The following RILPL2 variants were observed in gnomAD, a reference collection of about 807,000 sequenced individuals.
RILPL2 encodes the protein RILP-like protein 2.
Under a neutral mutation model 22.2 loss-of-function variants are expected in RILPL2, and 19 were observed. That is an observed-to-expected ratio of 0.86 (90% confidence interval 0.60 to 1.25). The LOEUF is 1.25. RILPL2 is among the 50% of genes most tolerant of loss of function. The pLI, the probability that RILPL2 is intolerant of heterozygous loss-of-function variation, is 0.00. For missense variants in RILPL2, 243 were observed against 263.6 expected (o/e 0.92, Z 0.54); for synonymous variants, 123 against 111.6 (o/e 1.10, Z -0.64).
At chr12:123,435,116 G>A (rs963588072) in intron 1 of RILPL2, among the ~76,000 whole-genome samples, 1 of 151,838 alleles carries the variant, frequency 6.6e-6, no homozygotes. Context: ...GGAGGTGGAG[G>A]TTGCAGTGAG....
chr12:123,418,704 T>C (rs1192155700), intron 3 of RILPL2, among the ~76,000 whole-genome samples: 1 of 152,074 alleles, frequency 6.6e-6, no homozygotes, highest in Non-Finnish European at 1.5e-5. Flanking sequence ...AAAATCCAGA[T>C]TTCTGAGCTT....
At chr12:123,410,349 G>T (rs1878935850), downstream of RILPL2, among the ~76,000 whole-genome samples, 1 of 152,188 alleles carries the variant, frequency 6.6e-6, no homozygotes, top group African/African-American at 2.4e-5. Flanking sequence ...GGGCACTGGT[G>T]GTAGATTGGA....
At chr12:123,429,322 G>GT (rs1879537963) in intron 2 of RILPL2, among the ~76,000 whole-genome samples, 1 of 152,120 alleles carries the variant, frequency 6.6e-6, no homozygotes, top group African/African-American at 2.4e-5. Context: ...TTGAGAAAGA[G>GT]TTTTGCTCTT....
At chr12:123,421,017 C>G (rs1252484920) in intron 3 of RILPL2, among the ~76,000 whole-genome samples, 1 of 151,912 alleles carries the variant, frequency 6.6e-6, no homozygotes, top group African/African-American at 2.4e-5. Flanking sequence ...ATAGCAAATG[C>G]TCACTAAGTG....
At chr12:123,428,579 G>T (rs1397012605) in intron 2 of RILPL2, among the ~76,000 whole-genome samples, 1 of 152,216 alleles carries the variant, frequency 6.6e-6, no homozygotes, top group East Asian at 1.9e-4. Context: ...GGCATTTAAA[G>T]AATCATATCA....
intron 3 of RILPL2, among the ~76,000 whole-genome samples, chr12:123,422,826 G>A (rs1312955091): frequency 6.6e-6 from 1 of 152,158 alleles, no homozygotes; most frequent in Non-Finnish European, 1.5e-5. Flanking sequence ...GGGTCACTGT[G>A]ATGATTCGAT....
At chr12:123,434,630 G>A (rs1879740585) in intron 1 of RILPL2, among the ~76,000 whole-genome samples, 1 of 151,760 alleles carries the variant, frequency 6.6e-6, no homozygotes, top group Admixed American at 6.6e-5. Context: ...GTTTCACCAT[G>A]TTGGCCAGGC....
At chr12:123,433,162 A>G (rs1446472868) in intron 1 of RILPL2, among the ~76,000 whole-genome samples, 1 of 148,040 alleles carries the variant, frequency 6.8e-6, no homozygotes, top group Non-Finnish European at 1.5e-5. Flanking sequence ...GCTAGAATGC[A>G]GCAGCGTGAT....
intron 1 of RILPL2, among the ~76,000 whole-genome samples, chr12:123,432,200 C>T (rs2139252847): frequency 6.6e-6 from 1 of 152,134 alleles, no homozygotes; most frequent in Admixed American, 6.6e-5. Context: ...CCCAGCTTTA[C>T]TACAATTTAA....
At chr12:123,417,553 C>T (rs902375215) in intron 3 of RILPL2, among the ~76,000 whole-genome samples, 10 of 152,204 alleles carry the variant, frequency 6.6e-5, no homozygotes, top group African/African-American at 2.2e-4. Context: ...ATTCTCTTCC[C>T]TGTTCCAGTC....
At chr12:123,424,331 A>T (rs1879372864) in intron 2 of RILPL2, among the ~76,000 whole-genome samples, 1 of 135,182 alleles carries the variant, frequency 7.4e-6, no homozygotes, top group Non-Finnish European at 1.6e-5. Flanking sequence ...TAAGAGTTAG[A>T]TTTTTTTTTT....
intron 1 of RILPL2, among the ~76,000 whole-genome samples, chr12:123,431,951 G>A (rs927034201): frequency 1.3e-5 from 2 of 151,380 alleles, no homozygotes; most frequent in South Asian, 2.1e-4. Flanking sequence ...CTGGAGTGCG[G>A]TGGCATGATC....
chr12:123,431,638 G>A (rs1319835016), intron 1 of RILPL2, among the ~76,000 whole-genome samples: 2 of 151,762 alleles, frequency 1.3e-5, no homozygotes, highest in Non-Finnish European at 2.9e-5. Flanking sequence ...CCTGGCTAAC[G>A]CGGTGAAACC....
At chr12:123,427,340 T>C (rs951376409) in intron 2 of RILPL2, among the ~76,000 whole-genome samples, 2 of 152,012 alleles carry the variant, frequency 1.3e-5, no homozygotes, top group Non-Finnish European at 2.9e-5. Context: ...TCTTACCAAC[T>C]TAACCCCAGA....
chr12:123,423,755 G>A (rs887972098), intron 2 of RILPL2, among the ~76,000 whole-genome samples: 16 of 151,156 alleles, frequency 1.1e-4, no homozygotes, highest in East Asian at 5.8e-4. Context: ...CCAGGTTCCC[G>A]CCATTCTCTT....
intron 1 of RILPL2, 71 bp from the exon 2 acceptor site, chr12:123,430,730 TAGA>T: frequency 9.1e-7 from 1 of 1,099,174 alleles, no homozygotes; most frequent in Non-Finnish European, 1.1e-6. Flanking sequence ...ATTATATTTT[TAGA>T]AGGAGTCTCT....
rs1017773373 is a variant in RILPL2, at chr12:123,423,772, G to A, written c.492-615C>T. Among the ~76,000 whole-genome samples, 7 of 151,638 alleles carry A rather than the reference G, an allele frequency of 4.6e-5. No individual in the cohort carries two copies. In the South Asian group the frequency reaches 1.2e-3, roughly 27 times the overall value. ...AGGTTCCCGCCATTCTCTTGCCTCA[G>A]CCCCCCGAGTAGCTGGGACTATAGG... On this transcript the variant is annotated intron_variant, in intron 2 of 3. Transcript: ENST00000280571.
At chr12:123,411,843 G>GT (rs1878985275), downstream of RILPL2, 1 of 151,996 alleles carries the variant, frequency 6.6e-6, no homozygotes, top group Non-Finnish European at 1.5e-5. Context: ...TTCTGAGCCT[G>GT]TTCCTCCCCG....
intron 2 of RILPL2, among the ~76,000 whole-genome samples, chr12:123,428,685 G>A (rs554539400): frequency 6.6e-6 from 1 of 152,270 alleles, no homozygotes; most frequent in African/African-American, 2.4e-5. Flanking sequence ...AGTCTCTGAT[G>A]TCACACTGTC....
Sources: gnomAD v4.1 joint callset for allele counts (sites outside exome capture counted in the v4.1 genomes callset) on GRCh38, gnomAD v4.1.1 for gene constraint, MANE v1.5 for transcripts, NCBI Gene and HGNC (gene_info 2026-07-23, HGNC 2026-07-21) for gene names.